The following ZFYVE9 variants were observed in gnomAD, a reference collection of about 807,000 sequenced individuals.
ZFYVE9 encodes the protein zinc finger FYVE domain-containing protein 9.
ZFYVE9 carries 43 observed loss-of-function variants against 126.7 expected under a neutral mutation model. That is an observed-to-expected ratio of 0.34 (90% confidence interval 0.27 to 0.44). The LOEUF is 0.44. ZFYVE9 is among the 20% of genes least tolerant of loss of function. The pLI, the probability that ZFYVE9 is intolerant of heterozygous loss-of-function variation, is 1.00. For missense variants in ZFYVE9, 1,476 were observed against 1,697.0 expected (o/e 0.87, Z 2.29); for synonymous variants, 521 against 597.4 (o/e 0.87, Z 1.87).
At chr1:52,148,947 A>ATTTTTTTTTT (rs56300233) in intron 1 of ZFYVE9, among the ~76,000 whole-genome samples, 2 of 34,252 alleles carry the variant, frequency 5.8e-5, no homozygotes, top group African/African-American at 8.9e-5. Flanking sequence ...CCTTAACATG[A>ATTTTTTTTTT]TTTTTTTTTT....
chr1:52,331,785 T>A (rs1389287599), intron 13 of ZFYVE9, among the ~76,000 whole-genome samples: 3 of 150,032 alleles, frequency 2.0e-5, no homozygotes, highest in Non-Finnish European at 4.4e-5. Flanking sequence ...TTTTTTTTTT[T>A]TTATTTTTTT....
At chr1:52,246,507 A>AAACTGTTTTTTTTCCTGTTTTTTTTTTTT (rs1645385146) in intron 4 of ZFYVE9, among the ~76,000 whole-genome samples, 1 of 148,994 alleles carries the variant, frequency 6.7e-6, no homozygotes, top group Admixed American at 6.7e-5. Flanking sequence ...TTTCTTAAGG[A>AAACTGTTTTTTTTCCTGTTTTTTTTTTTT]TTTTTTTTAT....
At chr1:52,330,688 C>G (rs1408364895) in intron 13 of ZFYVE9, among the ~76,000 whole-genome samples, 3 of 152,042 alleles carry the variant, frequency 2.0e-5, no homozygotes, top group Non-Finnish European at 4.4e-5. Context: ...TGGGTTTTGG[C>G]TAGCTTCTTT....
chr1:52,294,216 G>T (rs1645951726), intron 11 of ZFYVE9, among the ~76,000 whole-genome samples: 1 of 152,166 alleles, frequency 6.6e-6, no homozygotes, highest in Non-Finnish European at 1.5e-5. Context: ...AATTAAAAGT[G>T]CCCTGTGCTA....
intron 1 of ZFYVE9, among the ~76,000 whole-genome samples, chr1:52,199,562 T>C (rs77243509): frequency 0.065 from 9,955 of 152,310 alleles, 363 homozygotes; most frequent in African/African-American, 0.1. Flanking sequence ...CCACAGCTTT[T>C]ATTTACCTAC....
intron 1 of ZFYVE9, among the ~76,000 whole-genome samples, chr1:52,174,592 T>G (rs1644606584): frequency 6.6e-6 from 1 of 150,718 alleles, no homozygotes; most frequent in Admixed American, 6.6e-5. Flanking sequence ...CTGTCTAATG[T>G]TGACAGTGGG....
intron 1 of ZFYVE9, among the ~76,000 whole-genome samples, chr1:52,185,049 C>T (rs1043617030): frequency 5.3e-5 from 8 of 152,154 alleles, no homozygotes; most frequent in African/African-American, 1.9e-4. Context: ...TGACGTACAA[C>T]ATTTTTTGTT....
chr1:52,169,306 G>A (rs1266946558), intron 1 of ZFYVE9, among the ~76,000 whole-genome samples: 1 of 152,120 alleles, frequency 6.6e-6, no homozygotes, highest in South Asian at 2.1e-4. Context: ...AGGCTGAGAT[G>A]TGAGGTTCAC....
intron 1 of ZFYVE9, among the ~76,000 whole-genome samples, chr1:52,148,790 C>T (rs918455615): frequency 1.7e-4 from 25 of 151,084 alleles, no homozygotes; most frequent in South Asian, 1.1e-3. Context: ...TACAGGTGCG[C>T]GCCACCATGC....
chr1:52,195,730 T>G (rs1185617404), intron 1 of ZFYVE9, among the ~76,000 whole-genome samples: 1 of 152,128 alleles, frequency 6.6e-6, no homozygotes. Flanking sequence ...TTAACTAGTT[T>G]ATGAAAGTTT....
At chr1:52,225,858 C>T (rs534498944) in intron 2 of ZFYVE9, among the ~76,000 whole-genome samples, 2 of 152,196 alleles carry the variant, frequency 1.3e-5, no homozygotes, top group African/African-American at 4.8e-5. Context: ...CAAGGTTCAT[C>T]GTCTTGTGCC....
intron 3 of ZFYVE9, among the ~76,000 whole-genome samples, chr1:52,233,965 C>T (rs916553804): frequency 5.9e-5 from 9 of 151,932 alleles, no homozygotes; most frequent in Non-Finnish European, 1.0e-4. Context: ...ATTTTTAGTA[C>T]AGAAGGGGTT....
chr1:52,179,999 G>C, intron 1 of ZFYVE9: 1 of 895,152 alleles, frequency 1.1e-6, no homozygotes, highest in Non-Finnish European at 1.9e-6. Flanking sequence ...CTTTGGAAGA[G>C]CTGGAGGATC....
At chr1:52,337,495 T>C (rs1646399796) in intron 15 of ZFYVE9, among the ~76,000 whole-genome samples, 1 of 152,240 alleles carries the variant, frequency 6.6e-6, no homozygotes, top group African/African-American at 2.4e-5. Context: ...ATTCAGTGTG[T>C]CCAGAAGAAG....
chr1:52,160,494 C>T (rs2124510384), intron 1 of ZFYVE9: 3 of 794,018 alleles, frequency 3.8e-6, no homozygotes. Context: ...GTTTCTTCAC[C>T]TGAAGCGGCT....
chr1:52,191,915 T>C (rs993887343), intron 1 of ZFYVE9, among the ~76,000 whole-genome samples: 4 of 152,136 alleles, frequency 2.6e-5, no homozygotes, highest in African/African-American at 9.7e-5. Flanking sequence ...AATGGACTTA[T>C]TGTTAAATAA....
chr1:52,276,125 C>A (rs1415199158), intron 8 of ZFYVE9, among the ~76,000 whole-genome samples: 1 of 152,004 alleles, frequency 6.6e-6, no homozygotes, highest in African/African-American at 2.4e-5. Flanking sequence ...CCAGGCTGGT[C>A]TTGAACTCTT....
intron 4 of ZFYVE9, among the ~76,000 whole-genome samples, chr1:52,251,049 T>C (rs1225803607): frequency 6.9e-6 from 1 of 145,074 alleles, no homozygotes; most frequent in Non-Finnish European, 1.5e-5. Flanking sequence ...TTGTTGTTGT[T>C]GTTGTTGTTG....
At chr1:52,162,686 T>G in intron 1 of ZFYVE9, 1 of 294,460 alleles carries the variant, frequency 3.4e-6, no homozygotes, top group South Asian at 5.7e-5. Context: ...GATCTGGATT[T>G]GCCCTTCTGC....
Sources: allele counts gnomAD v4.1 joint callset (sites outside exome capture counted in the v4.1 genomes callset), GRCh38; gene constraint gnomAD v4.1.1; transcripts MANE v1.5; gene names NCBI Gene and HGNC (gene_info 2026-07-23, HGNC 2026-07-21).